LRRC3B: variants seen among roughly 807,000 people sequenced by gnomAD.
LRRC3B encodes leucine-rich repeat-containing protein 3B.
In LRRC3B, 2 loss-of-function variants were observed where a neutral mutation model predicts 12.8. The ratio of observed to expected loss-of-function variants is 0.16; its 90% CI spans 0.06 to 0.49. The LOEUF (loss-of-function observed/expected upper bound fraction) is 0.49, where lower values mean the gene tolerates loss of function less well. Among genes scored for constraint, LRRC3B ranks in the 20% least tolerant of loss-of-function variants. The probability of loss-of-function intolerance (pLI) is 0.96; values close to 1 mark genes in which losing one functional copy is unlikely to be tolerated. For missense variants in LRRC3B, 189 were observed against 319.4 expected, an observed-to-expected ratio of 0.59 and a Z score of 3.11; for synonymous variants, 132 against 122.0, an observed-to-expected ratio of 1.08 and a Z score of -0.54.
intron 1 of LRRC3B, among the ~76,000 whole-genome samples, chr3:26,675,701 A>C (rs193136031): frequency 2.0e-5 from 3 of 152,238 alleles, no homozygotes; most frequent in Admixed American, 2.0e-4. Context: ...GCAAACAGGT[A>C]TCAATTAAAT....
intron 1 of LRRC3B, among the ~76,000 whole-genome samples, chr3:26,688,853 A>G (rs186064745): frequency 6.6e-6 from 1 of 152,192 alleles, no homozygotes; most frequent in Non-Finnish European, 1.5e-5. Context: ...TACAGTTTTT[A>G]ACCACTTTGA....
intron 1 of LRRC3B, among the ~76,000 whole-genome samples, chr3:26,674,773 C>T (rs1291679665): frequency 6.6e-6 from 1 of 152,182 alleles, no homozygotes; most frequent in Non-Finnish European, 1.5e-5. Flanking sequence ...TCCTTGCTCT[C>T]TCCTAATTTG....
At chr3:26,631,643 A>C (rs1163666103) in intron 1 of LRRC3B, among the ~76,000 whole-genome samples, 1 of 152,152 alleles carries the variant, frequency 6.6e-6, no homozygotes, top group Non-Finnish European at 1.5e-5. Context: ...GATGAAATAG[A>C]ACCTGCTTAG....
chr3:26,703,462 A>G (rs1700508680), intron 1 of LRRC3B, among the ~76,000 whole-genome samples: 1 of 152,048 alleles, frequency 6.6e-6, no homozygotes, highest in Non-Finnish European at 1.5e-5. Context: ...AAAGCATTAT[A>G]GTGGGAAAAA....
At chr3:26,660,253 C>G (rs1254459989) in intron 1 of LRRC3B, among the ~76,000 whole-genome samples, 1 of 152,142 alleles carries the variant, frequency 6.6e-6, no homozygotes, top group Non-Finnish European at 1.5e-5. Flanking sequence ...TACAGATTCT[C>G]TTTTCTCTGT....
intron 1 of LRRC3B, among the ~76,000 whole-genome samples, chr3:26,706,586 G>T (rs1427693779): frequency 6.6e-6 from 1 of 152,162 alleles, no homozygotes; most frequent in Non-Finnish European, 1.5e-5. Context: ...TAGACCATTT[G>T]GGATATGACG....
intron 1 of LRRC3B, among the ~76,000 whole-genome samples, chr3:26,678,790 T>TAGAGAATAAAG (rs1184574289): frequency 6.6e-6 from 1 of 152,144 alleles, no homozygotes; most frequent in Non-Finnish European, 1.5e-5. Flanking sequence ...ACAAAAGCCT[T>TAGAGAATAAAG]AGAGAATAAA....
chr3:26,680,313 A>G (rs544579832), intron 1 of LRRC3B, among the ~76,000 whole-genome samples: 1 of 152,274 alleles, frequency 6.6e-6, no homozygotes, highest in East Asian at 1.9e-4. Flanking sequence ...TGAAGTTTCT[A>G]TGTTTAGGAA....
intron 1 of LRRC3B, among the ~76,000 whole-genome samples, chr3:26,663,574 T>G (rs562535626): frequency 9.9e-5 from 15 of 152,262 alleles, no homozygotes; most frequent in Non-Finnish European, 1.9e-4. Flanking sequence ...GTGCCTTGCA[T>G]TTTTCAGCAC....
intron 1 of LRRC3B, among the ~76,000 whole-genome samples, chr3:26,696,509 T>G (rs1361708356): frequency 1.3e-5 from 2 of 152,308 alleles, no homozygotes; most frequent in African/African-American, 4.8e-5. Context: ...CCCCTAACTC[T>G]TCAGAATGCT....
chr3:26,627,859 G>A lies in LRRC3B; in HGVS notation c.-161+4622G>A, dbSNP rs146703245. 2.3e-3 allele frequency among the ~76,000 whole-genome samples: 348 copies of A among 152,256 alleles called. 2 individuals carry two copies. Among genetic ancestry groups the A allele is most frequent in the African/African-American group, 7.4e-3 (306 of 41,554 alleles). ...GTGACCTTCTGGAGGTGGGGATACC[G>A]GCTTAGTTGAGTTGCAGCAGTGTTA... On this transcript the variant is annotated intron_variant, in intron 1 of 1. Transcript: ENST00000396641.
At chr3:26,632,733 C>A (rs944188483) in intron 1 of LRRC3B, among the ~76,000 whole-genome samples, 1 of 152,112 alleles carries the variant, frequency 6.6e-6, no homozygotes, top group Non-Finnish European at 1.5e-5. Context: ...CTTCCAGGAA[C>A]TGAAGTTAAT....
chr3:26,705,277 C>T (rs149603114), intron 1 of LRRC3B, among the ~76,000 whole-genome samples: 5 of 151,914 alleles, frequency 3.3e-5, no homozygotes, highest in Admixed American at 6.6e-5. Context: ...AAAATATGAG[C>T]GAAATATGAG....
intron 1 of LRRC3B, among the ~76,000 whole-genome samples, chr3:26,683,158 T>A (rs58657552): frequency 0.014 from 2,187 of 152,238 alleles, 62 homozygotes; most frequent in African/African-American, 0.049. Context: ...ACTAAGAGGC[T>A]ATGGTGCATG....
intron 1 of LRRC3B, among the ~76,000 whole-genome samples, chr3:26,626,803 A>G (rs1182856238): frequency 6.6e-6 from 1 of 152,194 alleles, no homozygotes; most frequent in Non-Finnish European, 1.5e-5. Context: ...AAAATTAACT[A>G]TGCAAACCTC....
intron 1 of LRRC3B, among the ~76,000 whole-genome samples, chr3:26,686,315 G>A (rs747778553): frequency 1.8e-4 from 28 of 152,132 alleles, no homozygotes; most frequent in Non-Finnish European, 3.2e-4. Context: ...TCCTGGCCTC[G>A]TGATCCGCCT....
intron 1 of LRRC3B, among the ~76,000 whole-genome samples, chr3:26,626,265 C>T (rs1698623804): frequency 6.6e-6 from 1 of 152,172 alleles, no homozygotes; most frequent in South Asian, 2.1e-4. Context: ...CTTTTGTAGA[C>T]ATTCCCTTTT....
intron 1 of LRRC3B, among the ~76,000 whole-genome samples, chr3:26,708,479 T>C (rs1373950987): frequency 2.6e-5 from 4 of 151,612 alleles, no homozygotes; most frequent in Non-Finnish European, 5.9e-5. Flanking sequence ...TTGAGTCCTG[T>C]CTCTACACCT....
intron 1 of LRRC3B, among the ~76,000 whole-genome samples, chr3:26,696,132 A>T (rs1700310646): frequency 6.6e-6 from 1 of 152,192 alleles, no homozygotes; most frequent in Non-Finnish European, 1.5e-5. Flanking sequence ...CTAACATATA[A>T]CCCCATTCAC....
Sources: gnomAD v4.1 joint callset for allele counts (sites outside exome capture counted in the v4.1 genomes callset) on GRCh38, gnomAD v4.1.1 for gene constraint, MANE v1.5 for transcripts, NCBI Gene and HGNC (gene_info 2026-07-23, HGNC 2026-07-21) for gene names.